Variants in NCKAP1 observed in about 807,000 individuals in gnomAD.
NCKAP1 encodes nck-associated protein 1.
NCKAP1 carries 21 observed loss-of-function variants against 151.2 expected under a neutral mutation model. The observed-to-expected ratio is 0.14, with a 90% confidence interval of 0.10 to 0.20. NCKAP1 has a LOEUF of 0.20. NCKAP1 is among the 10% of genes least tolerant of loss of function. NCKAP1 has a pLI of 1.00. For synonymous variants in NCKAP1, 484 were observed against 451.8 expected, an observed-to-expected ratio of 1.07 and a Z score of -0.90; for missense variants, 933 against 1,352.1, an observed-to-expected ratio of 0.69 and a Z score of 4.86.
At chr2:183,000,990 G>A (rs939761079) in intron 6 of NCKAP1, among the ~76,000 whole-genome samples, 1 of 152,178 alleles carries the variant, frequency 6.6e-6, no homozygotes. Flanking sequence ...AGCTACTCTC[G>A]AGGCAGGGGC....
intron 30 of NCKAP1, 92 bp downstream of exon 30, chr2:182,926,724 A>C: frequency 1.2e-6 from 1 of 868,476 alleles, no homozygotes; most frequent in African/African-American, 1.7e-5. Context: ...AAAGGGATCA[A>C]AAAAAGTATT....
Position 182,928,132 on chromosome 2 carries a change from A to C in NCKAP1, c.3165T>G (p.Leu1055=). ...TTATACATACCGCCAGAAATTCTTT[A>C]AGACGGTCTTCAATGCTTCCTTTGT... is the stretch of plus-strand genomic sequence containing the variant. ...TIHKGSIEDR[L]KEFLALASSS... Residue 1055 remains leucine, a synonymous_variant, in exon 29 of 31, where the codon CTT becomes CTG. Transcript: ENST00000361354. 6.2e-7 allele frequency: 1 copy of C among 1,605,938 alleles called. No homozygotes were observed. Among genetic ancestry groups the C allele is most frequent in the Non-Finnish European group, 8.5e-7 (1 of 1,173,970 alleles).
chr2:182,979,002 T>C (rs1460484544), intron 13 of NCKAP1, 87 bp from the exon 14 acceptor site: 6 of 714,720 alleles, frequency 8.4e-6, no homozygotes, highest in Non-Finnish European at 1.4e-5. Flanking sequence ...ATAAACAAAC[T>C]GGTATACCCA....
In NCKAP1 at chr2:183,037,983, C is replaced by T. The variant is rs747577639; in HGVS notation, c.108+9G>A. On this transcript the variant is annotated intron_variant, in intron 1 of 30. Transcript: ENST00000361354. The stretch of plus-strand genomic sequence containing the variant: ...CGCCTCCGCCGCGGCCTCCCCGGCC[C>T]GTGCGCACCTTCTTGATGTTGTAGA... 59 of 1,575,472 alleles carry T rather than the reference C, an allele frequency of 3.7e-5. No individual in the cohort carries two copies. Among genetic ancestry groups the T allele is most frequent in the Non-Finnish European group, 5.0e-5 (59 of 1,168,356 alleles).
intron 16 of NCKAP1, among the ~76,000 whole-genome samples, chr2:182,965,933 T>G (rs1697561226): frequency 6.6e-6 from 1 of 152,184 alleles, no homozygotes; most frequent in Non-Finnish European, 1.5e-5. Context: ...GTATACTTCC[T>G]AATGTGTTTC....
chr2:182,943,278 C>T (rs1697034366), intron 23 of NCKAP1, among the ~76,000 whole-genome samples: 2 of 152,166 alleles, frequency 1.3e-5, no homozygotes, highest in Non-Finnish European at 2.9e-5. Flanking sequence ...AGGTTGATAA[C>T]ATCTGATTTA....
chr2:182,989,224 A>G (rs983460405), intron 8 of NCKAP1, 38 bp from the exon 9 acceptor site: 10 of 1,522,130 alleles, frequency 6.6e-6, no homozygotes, highest in Middle Eastern at 1.7e-4. Flanking sequence ...ATGTAAATGT[A>G]CAAGTATTCC....
chr2:182,988,517 A>C (rs571341897), intron 9 of NCKAP1, among the ~76,000 whole-genome samples: 1 of 152,192 alleles, frequency 6.6e-6, no homozygotes, highest in Non-Finnish European at 1.5e-5. Flanking sequence ...TCAGATAATT[A>C]TTTGCTGAAC....
intron 29 of NCKAP1, chr2:182,927,345 C>T (rs570633480): frequency 6.6e-6 from 1 of 152,392 alleles, no homozygotes; most frequent in African/African-American, 2.4e-5. Context: ...GAAAGAAACA[C>T]TTAAAATTTT....
At chr2:182,983,523 T>C (rs992685419) in intron 10 of NCKAP1, 141 bp from the exon 11 acceptor site, 14 of 553,702 alleles carry the variant, frequency 2.5e-5, no homozygotes, top group Non-Finnish European at 4.2e-5. Context: ...CTTCTATGTG[T>C]CTATCGTTAA....
intron 27 of NCKAP1, among the ~76,000 whole-genome samples, chr2:182,929,302 T>C (rs556017326): frequency 7.2e-5 from 11 of 152,102 alleles, no homozygotes; most frequent in Admixed American, 5.9e-4. Flanking sequence ...TTATAAATTA[T>C]TCTGCAAAAT....
chr2:182,970,872 A>ACT (rs79300619), intron 15 of NCKAP1, among the ~76,000 whole-genome samples: 152,016 of 152,284 alleles, frequency 1, 75,876 homozygotes, highest in Middle Eastern at 1. Context: ...AAACCTAAAG[A>ACT]CTATTAAAAC....
In NCKAP1 at chr2:182,920,679, C is replaced by T. The variant is rs1696537739; in HGVS notation, c.*5023G>A. The T allele has an allele frequency of 6.6e-6, 1 of 152,100 alleles. No individual in the cohort carries two copies. Among genetic ancestry groups the T allele is most frequent in the Admixed American group, 6.6e-5 (1 of 15,260 alleles). 9.4% of individuals were successfully genotyped at this position (152,100 alleles called of 1,614,324 possible). A position where few individuals can be genotyped will look rare whatever the true frequency, so the allele number is the denominator to read the frequency against. ...GTGGTGGTTGGGGCAAGTCGGCTGT[C>T]TGGGGCCCCTTTTACGAGGGCATTA... On this transcript the variant is annotated 3_prime_UTR_variant, in exon 31 of 31. Transcript: ENST00000361354.
intron 2 of NCKAP1, among the ~76,000 whole-genome samples, chr2:183,012,779 ATT>A (rs58239552): frequency 7.1e-4 from 91 of 127,778 alleles, no homozygotes; most frequent in African/African-American, 2.3e-3. Flanking sequence ...ACACCTGGCT[ATT>A]TTTTTTTTTT....
intron 18 of NCKAP1, among the ~76,000 whole-genome samples, chr2:182,958,836 T>C (rs1011025537): frequency 2.6e-5 from 4 of 152,210 alleles, no homozygotes; most frequent in African/African-American, 9.6e-5. Context: ...TCACTGTACA[T>C]TACAGTAGCC....
intron 24 of NCKAP1, among the ~76,000 whole-genome samples, chr2:182,935,952 A>G (rs1469103021): frequency 6.6e-6 from 1 of 152,262 alleles, no homozygotes; most frequent in South Asian, 2.1e-4. Flanking sequence ...GCATTATTCT[A>G]AAAATTATTA....
intron 2 of NCKAP1, among the ~76,000 whole-genome samples, chr2:183,022,675 C>G (rs1025848532): frequency 2.0e-5 from 3 of 152,086 alleles, no homozygotes; most frequent in African/African-American, 7.2e-5. Context: ...CAAAAACAGA[C>G]TTGATTTTGT....
At chr2:183,003,067 T>C in intron 3 of NCKAP1, 37 bp from the exon 4 acceptor site, 2 of 1,528,258 alleles carry the variant, frequency 1.3e-6, no homozygotes, top group Non-Finnish European at 1.8e-6. Flanking sequence ...TTTATCTGTA[T>C]AAATCTGTTT....
chr2:182,957,676 GA>G lies in NCKAP1; in HGVS notation c.1882-81del, dbSNP rs772942057. On this transcript the variant is annotated intron_variant, in intron 18 of 30. Transcript: ENST00000361354. ...CTAACTATTCAAGCAAACAGTAGCT[GA>G]ATCCAGGCTGTGTTGCAAATATCAC... 408 of 1,412,734 alleles carry G rather than the reference GA, an allele frequency of 2.9e-4. 3 individuals are homozygous for G. The Middle Eastern group carries it at 0.012, about 41-fold the overall frequency. 87.5% of individuals were successfully genotyped at this position (1,412,734 alleles called of 1,614,324 possible).
Sources: gnomAD v4.1 joint callset for allele counts (sites outside exome capture counted in the v4.1 genomes callset) on GRCh38, gnomAD v4.1.1 for gene constraint, MANE v1.5 for transcripts, NCBI Gene and HGNC (gene_info 2026-07-23, HGNC 2026-07-21) for gene names.